Variants in ABCA13 observed in about 807,000 individuals in gnomAD.
ABCA13 encodes ATP-binding cassette sub-family A member 13.
In ABCA13, 476 loss-of-function variants were observed where a neutral mutation model predicts 478.7. The observed-to-expected ratio is 0.99, with a 90% confidence interval of 0.92 to 1.07. The LOEUF is 1.07. Ranked by LOEUF, ABCA13 falls within the 50% of genes least tolerant of loss-of-function variation. The pLI, the probability that ABCA13 is intolerant of heterozygous loss-of-function variation, is 0.00. For synonymous variants in ABCA13, 2,252 were observed against 2,158.9 expected (o/e 1.04, Z -1.20); for missense variants, 6,060 against 5,910.6 (o/e 1.03, Z -0.83).
chr7:48,257,963 G>C (rs62449184), intron 15 of ABCA13, among the ~76,000 whole-genome samples: 2 of 152,016 alleles, frequency 1.3e-5, no homozygotes, highest in South Asian at 2.1e-4. Context: ...TCACTCTGTT[G>C]CCCAGGCTGG....
intron 59 of ABCA13, 30 bp from the exon 60 acceptor site, chr7:48,643,258 A>G: frequency 2.8e-6 from 4 of 1,419,632 alleles, no homozygotes; most frequent in Non-Finnish European, 3.9e-6. Context: ...ATATGATAAT[A>G]ATCATGTTTC....
intron 42 of ABCA13, among the ~76,000 whole-genome samples, chr7:48,448,922 A>G (rs1423668750): frequency 6.6e-6 from 1 of 152,114 alleles, no homozygotes; most frequent in Non-Finnish European, 1.5e-5. Flanking sequence ...GGCTCACGGT[A>G]ACCTCTACCT....
intron 35 of ABCA13, among the ~76,000 whole-genome samples, chr7:48,387,319 T>C (rs1815346548): frequency 6.6e-6 from 1 of 152,184 alleles, no homozygotes; most frequent in South Asian, 2.1e-4. Flanking sequence ...AGAATACTTT[T>C]GAAGAATGGT....
At chr7:48,301,073 G>T (rs527485929) in intron 23 of ABCA13, among the ~76,000 whole-genome samples, 2 of 152,268 alleles carry the variant, frequency 1.3e-5, no homozygotes, top group African/African-American at 4.8e-5. Context: ...AAACAATTAG[G>T]CAGAGTTCAG....
intron 59 of ABCA13, among the ~76,000 whole-genome samples, chr7:48,638,660 C>A (rs1189362776): frequency 6.6e-6 from 1 of 152,100 alleles, no homozygotes; most frequent in Non-Finnish European, 1.5e-5. Flanking sequence ...AATAAAGGTG[C>A]TTGCAGTGAA....
intron 15 of ABCA13, among the ~76,000 whole-genome samples, chr7:48,255,989 A>C (rs1390368189): frequency 1.3e-5 from 2 of 152,020 alleles, no homozygotes; most frequent in Admixed American, 1.3e-4. Context: ...TTGACTTTTT[A>C]ATGATAGCCA....
chr7:48,438,665 T>G (rs2129159339), intron 42 of ABCA13, among the ~76,000 whole-genome samples: 1 of 152,042 alleles, frequency 6.6e-6, no homozygotes, highest in African/African-American at 2.4e-5. Flanking sequence ...TTATCAAAAT[T>G]TTACCAGTTT....
chr7:48,302,964 A>G (rs1800360415), intron 23 of ABCA13, among the ~76,000 whole-genome samples: 1 of 152,148 alleles, frequency 6.6e-6, no homozygotes, highest in African/African-American at 2.4e-5. Context: ...GAGTGTATAA[A>G]TGTTCCCTTT....
chr7:48,209,289 T>G (rs1458916732), intron 3 of ABCA13, among the ~76,000 whole-genome samples: 1 of 152,182 alleles, frequency 6.6e-6, no homozygotes, highest in African/African-American at 2.4e-5. Context: ...TTTGCATCTA[T>G]GTTCATCAGA....
At chr7:48,541,252 AT>A (rs1021973260) in intron 55 of ABCA13, among the ~76,000 whole-genome samples, 17 of 152,112 alleles carry the variant, frequency 1.1e-4, no homozygotes, top group African/African-American at 3.9e-4. Context: ...TAGTGTTAAA[AT>A]TTTGGATTTG....
At chr7:48,500,284 A>T (rs1327870532) in intron 48 of ABCA13, among the ~76,000 whole-genome samples, 2 of 152,130 alleles carry the variant, frequency 1.3e-5, no homozygotes. Context: ...GTATCATGGG[A>T]AGGTGCAGGG....
intron 3 of ABCA13, among the ~76,000 whole-genome samples, chr7:48,203,815 C>G (rs1784547089): frequency 6.6e-6 from 1 of 152,228 alleles, no homozygotes; most frequent in Non-Finnish European, 1.5e-5. Context: ...CTGGGGCACT[C>G]CCACCCTTAG....
At position 48,276,151 on chromosome 7, in the gene ABCA13, C is replaced by T. The variant is rs1176675235; in HGVS notation, c.6485C>T (p.Ala2162Val). The change falls in exon 17 of 62, where the codon GCC (alanine) becomes GTC (valine). Residue 2162 changes from alanine to valine, a missense_variant. Ala to Val is a moderately conservative substitution (Grantham distance 64). This residue lies in a region of ABCA13 where 4,423 missense variants were observed against 4,309.1 expected (regional missense o/e 1.03). Coordinates refer to ENST00000435803, the MANE Select transcript of ABCA13 (RefSeq NM_152701.5). ...TCAACTGAAGATATAGCTTTGTTAGCCAAAGCTATTGCTACTTTTTGGGGC... is the reference window on the plus strand; with the variant it reads ...TCAACTGAAGATATAGCTTTGTTAGTCAAAGCTATTGCTACTTTTTGGGGC... ...ESSTEDIALL[A>V]KAIATFWGSL... is the part of the protein sequence containing the mutation. 1 of 1,596,398 alleles carries T rather than the reference C, an allele frequency of 6.3e-7. No individual in the cohort carries two copies. Among genetic ancestry groups the T allele is most frequent in the East Asian group, 2.2e-5 (1 of 44,548 alleles).
intron 42 of ABCA13, among the ~76,000 whole-genome samples, chr7:48,441,175 G>A (rs965767531): frequency 6.6e-6 from 1 of 152,114 alleles, no homozygotes; most frequent in African/African-American, 2.4e-5. Context: ...ATGTTACTTA[G>A]TAGATGTAAC....
chr7:48,295,377 A>ATT (rs1197018446), intron 20 of ABCA13, among the ~76,000 whole-genome samples: 1 of 152,164 alleles, frequency 6.6e-6, no homozygotes, highest in Non-Finnish European at 1.5e-5. Context: ...AAATTGAGTT[A>ATT]TTTGTTTTTC....
chr7:48,455,188 G>A lies in ABCA13; in HGVS notation c.12717G>A (p.Leu4239=). The A allele has an allele frequency of 6.3e-7, 1 of 1,591,260 alleles. No homozygotes were observed. Residue 4239 remains leucine (L), a synonymous_variant, in exon 43 of 62, where the codon TTG becomes TTA. Transcript: ENST00000435803. ...DLLLPVLFVA[L]AMGLFMVRPL... ...TGCTGCCAGTCCTCTTCGTGGCCTT[G>A]GCCATGGGCTTGTTCATGGTGAGAC...
At chr7:48,291,605 A>T (rs2128813168) in intron 20 of ABCA13, among the ~76,000 whole-genome samples, 1 of 152,210 alleles carries the variant, frequency 6.6e-6, no homozygotes, top group Non-Finnish European at 1.5e-5. Context: ...TTCTTAATTC[A>T]ATCCCTGCTC....
At chr7:48,474,066 G>GT (rs553890423) in intron 45 of ABCA13, among the ~76,000 whole-genome samples, 9 of 151,634 alleles carry the variant, frequency 5.9e-5, no homozygotes, top group Non-Finnish European at 8.8e-5. Context: ...CATAATTATT[G>GT]TTTTTTTTCC....
intron 42 of ABCA13, among the ~76,000 whole-genome samples, chr7:48,439,213 A>T (rs1298836555): frequency 1.3e-5 from 2 of 152,076 alleles, no homozygotes; most frequent in Non-Finnish European, 2.9e-5. Flanking sequence ...TTAAGAGTGC[A>T]TTTTTATCTA....
Sources: gnomAD v4.1 joint callset for allele counts (sites outside exome capture counted in the v4.1 genomes callset) on GRCh38, gnomAD v4.1.1 for gene constraint, gnomAD v4.1.1 regional missense constraint, MANE v1.5 for transcripts, NCBI Gene and HGNC (gene_info 2026-07-23, HGNC 2026-07-21) for gene names.